Variants in RDH13 observed in about 807,000 individuals in gnomAD.
RDH13 encodes the protein retinol dehydrogenase 13 (all-trans and 9-cis).
In RDH13, 35 loss-of-function variants were observed where a neutral mutation model predicts 28.3. The observed-to-expected ratio is 1.24, with a 90% confidence interval of 0.95 to 1.64. The LOEUF is 1.64. Ranked by LOEUF, RDH13 falls within the 40% of genes most tolerant of loss-of-function variation. The probability of loss-of-function intolerance (pLI) is 0.00; values close to 1 mark genes in which losing one functional copy is unlikely to be tolerated. For missense variants in RDH13, 514 were observed against 446.3 expected (o/e 1.15, Z -1.37); for synonymous variants, 229 against 198.5 (o/e 1.15, Z -1.29).
upstream of RDH13, among the ~76,000 whole-genome samples, chr19:55,066,467 C>T (rs2075961884): frequency 3.5e-5 from 4 of 115,640 alleles, no homozygotes; most frequent in Non-Finnish European, 8.2e-5. Flanking sequence ...CTCTCTTCCT[C>T]TCTCTCTTCC....
At chr19:55,063,765 A>G (rs921809714), upstream of RDH13, 4 of 153,480 alleles carry the variant, frequency 2.6e-5, no homozygotes, top group African/African-American at 9.7e-5. Flanking sequence ...AATTATCAGA[A>G]TCTCATCCCC....
rs1225371945 is a variant in RDH13, at chr19:55,047,462, G to C, written c.685C>G (p.His229Asp). The change falls in exon 6 of 7, where the codon CAC becomes GAC. Residue 229 changes from histidine to aspartate, a missense_variant. By Grantham distance (81) the His-to-Asp change is moderately conservative (BLOSUM62 -1). Transcript: ENST00000415061. ...QGSGVTVNAL[H>D]PGVARTELGR... is the part of the protein sequence containing the mutation. Reference sequence around the variant, plus strand: ...AGCTCTGTCCTGGCCACGCCGGGGTGCAGGGCGTTGACAGTCACACCAGAG... The same window carrying C: ...AGCTCTGTCCTGGCCACGCCGGGGTCCAGGGCGTTGACAGTCACACCAGAG... The C allele has an allele frequency of 9.3e-6, 15 of 1,609,118 alleles. No individual in the cohort carries two copies. Among genetic ancestry groups the C allele is most frequent in the Non-Finnish European group, 1.3e-5 (15 of 1,179,848 alleles).
chr19:55,054,561 G>C (rs76119016), intron 3 of RDH13, among the ~76,000 whole-genome samples: 1 of 151,948 alleles, frequency 6.6e-6, no homozygotes, highest in Non-Finnish European at 1.5e-5. Flanking sequence ...ACTCCAGCCT[G>C]GGTGACAGAG....
chr19:55,064,686 C>T (rs942943052), upstream of RDH13, among the ~76,000 whole-genome samples: 13 of 150,590 alleles, frequency 8.6e-5, no homozygotes, highest in South Asian at 2.1e-4. Flanking sequence ...GATCTCAGCT[C>T]ACTGCAACCT....
chr19:55,048,002 G>T, intron 5 of RDH13: 1 of 1,324,284 alleles, frequency 7.6e-7, no homozygotes, highest in East Asian at 2.9e-5. Context: ...GTGTTTCCAG[G>T]CATTGACAAC....
rs1157998829 is a variant in RDH13, at chr19:55,048,747, G to A, written c.357C>T (p.Asp119=). The change falls in exon 4 of 7, where the codon GAC becomes GAT. Residue 119 remains aspartate (D), a synonymous_variant. Transcript: ENST00000415061. ...TCACACCCGCGTTGTTGATTAGAAT[G>A]TCCACTCGCTCCTCCTCTGGAAGAG... ...AKIIEEEERV[D]ILINNAGVMR... 1.9e-6 allele frequency: 3 copies of A among 1,613,948 alleles called. No homozygotes were observed. Among genetic ancestry groups the A allele is most frequent in the Non-Finnish European group, 2.5e-6 (3 of 1,179,968 alleles).
At chr19:55,058,746 T>C (rs1369220910) in intron 2 of RDH13, among the ~76,000 whole-genome samples, 2 of 152,172 alleles carry the variant, frequency 1.3e-5, no homozygotes, top group African/African-American at 4.8e-5. Flanking sequence ...CGTGGCGCCA[T>C]CTCTGCTCAC....
chr19:55,060,621 CT>C (rs1334909207), intron 1 of RDH13, among the ~76,000 whole-genome samples: 3 of 152,184 alleles, frequency 2.0e-5, no homozygotes, highest in Admixed American at 2.0e-4. Context: ...TGTCTTATTT[CT>C]TTTCTCAGTC....
upstream of RDH13, among the ~76,000 whole-genome samples, chr19:55,066,111 G>C (rs939467317): frequency 6.6e-6 from 1 of 152,166 alleles, no homozygotes; most frequent in Non-Finnish European, 1.5e-5. Flanking sequence ...CTGTTAATAT[G>C]GTTATTATAA....
chr19:55,054,808 G>A (rs2075577003), intron 3 of RDH13, among the ~76,000 whole-genome samples: 1 of 151,224 alleles, frequency 6.6e-6, no homozygotes, highest in African/African-American at 2.4e-5. Context: ...TAACTCCTGA[G>A]CTCAAGCAAT....
chr19:55,057,414 A>C (rs1019115369), intron 2 of RDH13, among the ~76,000 whole-genome samples: 13 of 148,818 alleles, frequency 8.7e-5, no homozygotes, highest in African/African-American at 3.0e-4. Context: ...AGGCCAAGGC[A>C]AGAGGATTCC....
rs2075316477 is a variant in RDH13, at chr19:55,048,491, G to T, written c.496C>A (p.Pro166Thr). Residue 166 changes from proline to threonine, a missense_variant, in exon 5 of 7, where the codon CCT becomes ACT. Coordinates refer to ENST00000415061, the MANE Select transcript of RDH13 (RefSeq NM_001145971.2). ...LLLDKLKASA[P>T]SRIINLSSLA... The stretch of plus-strand genomic sequence containing the variant: ...GACGAGAGGTTGATGATCCGCGAAG[G>T]GGCTGAGGCTTTCAGCTTGTCCAGC... 14 of 1,614,214 alleles carry T rather than the reference G, an allele frequency of 8.7e-6. No homozygotes were observed. The East Asian group carries it at 3.1e-4, about 36-fold the overall frequency.
chr19:55,052,045 A>C (rs987949845), intron 3 of RDH13, among the ~76,000 whole-genome samples: 19 of 134,682 alleles, frequency 1.4e-4, no homozygotes, highest in Non-Finnish European at 2.5e-4. Context: ...TGTTTTGTTT[A>C]TCTGGGAACT....
At position 55,056,782 on chromosome 19, in the gene RDH13, C is replaced by A. The variant is rs773994783; in HGVS notation, c.211G>T (p.Asp71Tyr). ...RGGNIILACR[D>Y]MEKCEAAAKD... ...GCTGCCGCCTCACACTTCTCCATGT[C>A]TCGGCAGGCCAGGATGATGTTGCCT... Residue 71 changes from aspartate (D) to tyrosine (Y), a missense_variant, in exon 3 of 7, where the codon GAC (aspartate) becomes TAC (tyrosine). Coordinates refer to ENST00000415061, the MANE Select transcript of RDH13 (RefSeq NM_001145971.2). 2 of 1,614,100 alleles carry A rather than the reference C, an allele frequency of 1.2e-6. No individual in the cohort carries two copies. The highest frequency in any genetic ancestry group is 4.5e-5 in the East Asian group (2 of 44,886).
chr19:55,041,917 C>T (rs945414008), downstream of RDH13: 2 of 152,178 alleles, frequency 1.3e-5, no homozygotes, highest in South Asian at 2.1e-4. Context: ...AAGACGCTGC[C>T]GGCTTTAGTT....
At chr19:55,052,266 G>A (rs963602716) in intron 3 of RDH13, among the ~76,000 whole-genome samples, 1 of 151,800 alleles carries the variant, frequency 6.6e-6, no homozygotes, top group African/African-American at 2.4e-5. Flanking sequence ...AAAGTAGCCG[G>A]GCATGGTGGC....
At chr19:55,063,399 CACT>C (rs1369119872), upstream of RDH13, 4 of 274,808 alleles carry the variant, frequency 1.5e-5, no homozygotes, top group Admixed American at 1.1e-4. Context: ...CGAATCCCAC[CACT>C]GTCAATTCCA....
In RDH13 at chr19:55,046,255, A is replaced by AG. The variant is rs2075227791; in HGVS notation, c.761-947_761-946insC. Among the ~76,000 whole-genome samples the AG allele has an allele frequency of 1.4e-5, 2 of 147,550 alleles. 1 individual carries two copies. Among genetic ancestry groups the AG allele is most frequent in the Admixed American group, 1.3e-4 (2 of 14,850 alleles). ...AGCAAAACTCCGTCTCAAAAAAAAA[A>AG]AGACATTTATTTATTTATTTATTGA... On this transcript the variant is annotated intron_variant, in intron 6 of 6. Coordinates refer to ENST00000415061, the MANE Select transcript of RDH13 (RefSeq NM_001145971.2).
At chr19:55,053,575 T>C (rs2075530365) in intron 3 of RDH13, among the ~76,000 whole-genome samples, 2 of 150,944 alleles carry the variant, frequency 1.3e-5, no homozygotes, top group African/African-American at 4.9e-5. Flanking sequence ...GAGAATGGCA[T>C]GAACCCGGGA....
Sources: allele counts gnomAD v4.1 joint callset (sites outside exome capture counted in the v4.1 genomes callset), GRCh38; gene constraint gnomAD v4.1.1; transcripts MANE v1.5; gene names NCBI Gene and HGNC (gene_info 2026-07-23, HGNC 2026-07-21).